The following NCOR2 variants were observed in gnomAD, a reference collection of about 807,000 sequenced individuals.
The protein encoded by NCOR2 is CTG repeat protein 26.
NCOR2 carries 81 observed loss-of-function variants against 262.9 expected under a neutral mutation model. The ratio of observed to expected loss-of-function variants is 0.31; its 90% CI spans 0.26 to 0.37. The LOEUF (loss-of-function observed/expected upper bound fraction) is 0.37. Among genes scored for constraint, NCOR2 ranks in the 10% least tolerant of loss-of-function variants. The pLI, the probability that NCOR2 is intolerant of heterozygous loss-of-function variation, is 1.00. For missense variants in NCOR2, 3,385 were observed against 3,621.4 expected (o/e 0.93, Z 1.68); for synonymous variants, 1,659 against 1,559.3 (o/e 1.06, Z -1.51).
At chr12:124,335,274 A>C in exon 40 of NCOR2, 1 of 1,599,112 alleles carries the variant, frequency 6.3e-7, no homozygotes, top group Non-Finnish European at 8.5e-7. Flanking sequence ...GCCAAGCTTC[A>C]CGGGGCCTGC....
chr12:124,503,695 G>GATGGATGGATGGAAGGACAGACGA lies in NCOR2; in HGVS notation c.-117-8328_-117-8327insTCGTCTGTCCTTCCATCCATCCAT. ...GAATGGATGGATGGATGGATGGATG[G>GATGGATGGATGGAAGGACAGACGA]ATGGATGGATGGATGGACAGACGAA... On this transcript the variant is annotated intron_variant, in intron 1 of 46. Transcript: ENST00000404621. The surrounding 1 kb of genome is among the most constrained non-coding windows in gnomAD (Gnocchi z 4.3). 6.6e-6 allele frequency among the ~76,000 whole-genome samples: 1 copy of GATGGATGGATGGAAGGACAGACGA among 151,462 alleles called. No homozygotes were observed. The highest frequency in any genetic ancestry group is 6.6e-5 in the Admixed American group (1 of 15,238).
intron 1 of NCOR2, among the ~76,000 whole-genome samples, chr12:124,501,052 GCGCACGCGCGCACACA>G (rs1397284253): frequency 3.7e-5 from 1 of 26,990 alleles, no homozygotes; most frequent in Non-Finnish European, 1.0e-4. Flanking sequence ...ACGAGCGCGC[GCGCACGCGCGCACACA>G]CACACACACA....
rs1409221472 is a variant in NCOR2 at position 124,440,481 on chromosome 12, CT to C, written c.816-2486del. 1.3e-5 allele frequency among the ~76,000 whole-genome samples: 2 copies of C among 152,218 alleles called. No individual in the cohort carries two copies. The highest frequency in any genetic ancestry group is 1.3e-4 in the Admixed American group (2 of 15,284). ...AGTCCCACAGGCTAGGACCAGCACCCTTCATCTCATAACAGGGTGTCTCTGA... is the reference window on the plus strand; with the variant it reads ...AGTCCCACAGGCTAGGACCAGCACCCTCATCTCATAACAGGGTGTCTCTGA... On this transcript the variant is annotated intron_variant, in intron 7 of 46. Coordinates refer to ENST00000405201, the Ensembl canonical transcript of NCOR2. This position sits in a 1 kb window ranked among gnomAD's most constrained non-coding sequence, Gnocchi z 5.7.
chr12:124,344,693 G>A (rs753660561), exon 32 of NCOR2: 2 of 1,529,148 alleles, frequency 1.3e-6, no homozygotes, highest in South Asian at 1.2e-5. Context: ...TAGGTCAGGG[G>A]GCTCTGCCGC....
Position 124,542,509 on chromosome 12 carries a change from C to A in NCOR2, c.-164-6898G>T, listed in dbSNP as rs979711442. 2 of 152,546 alleles carry A rather than the reference C, an allele frequency of 1.3e-5. 1 individual carries two copies. The highest frequency in any genetic ancestry group is 4.8e-5 in the African/African-American group (2 of 41,434). 9.4% of individuals were successfully genotyped at this position (152,546 alleles called of 1,614,324 possible). On this transcript the variant is annotated intron_variant, in intron 1 of 32. Transcript: ENST00000458234. Reference sequence around the variant, plus strand: ...TCTGCCCTGGGCACCGAGGCCAAGACCCTCAGCGCCCGTCCCAGGCCCTAG... The same window carrying A: ...TCTGCCCTGGGCACCGAGGCCAAGAACCTCAGCGCCCGTCCCAGGCCCTAG...
At chr12:124,540,796 G>A (rs1056307480) in intron 1 of NCOR2, among the ~76,000 whole-genome samples, 4 of 4,250 alleles carry the variant, frequency 9.4e-4, no homozygotes, top group Non-Finnish European at 2.1e-3. Flanking sequence ...GAGGTGGAGG[G>A]GTGGATATGG....
chr12:124,428,889 G>C (rs1315537557), intron 10 of NCOR2, among the ~76,000 whole-genome samples: 1 of 152,202 alleles, frequency 6.6e-6, no homozygotes, highest in Non-Finnish European at 1.5e-5. Context: ...GTGGTGTTAG[G>C]AGCAGGGGGT....
rs1420884645 is a variant in NCOR2 at position 124,454,359 on chromosome 12, C to G, written c.762+2747G>C. On this transcript the variant is annotated intron_variant, in intron 6 of 46. Transcript: ENST00000405201. The surrounding 1 kb of genome is among the most constrained non-coding windows in gnomAD (Gnocchi z 5.6). Reference sequence around the variant, plus strand: ...TCCTGTGCCATCAGCCTTGTGGAAGCCTCTGCTCTGAGATCCCCAAGTGGA... The same window carrying G: ...TCCTGTGCCATCAGCCTTGTGGAAGGCTCTGCTCTGAGATCCCCAAGTGGA... Among the ~76,000 whole-genome samples, 3 of 152,190 alleles carry G rather than the reference C, an allele frequency of 2.0e-5. No homozygotes were observed. Among genetic ancestry groups the G allele is most frequent in the African/African-American group, 7.2e-5 (3 of 41,440 alleles).
intron 16 of NCOR2, among the ~76,000 whole-genome samples, chr12:124,397,348 G>A (rs1045647075): frequency 1.3e-5 from 2 of 152,220 alleles, no homozygotes; most frequent in Admixed American, 6.5e-5. Flanking sequence ...CTCAACAGAC[G>A]GGCAAACCGA....
At chr12:124,402,651 G>T in intron 13 of NCOR2, 90 bp from the exon 16 acceptor site, 1 of 1,531,196 alleles carries the variant, frequency 6.5e-7, no homozygotes, top group Non-Finnish European at 8.7e-7. Context: ...AGCCTGAGCT[G>T]GGGGAGGAGG....
intron 12 of NCOR2, among the ~76,000 whole-genome samples, chr12:124,421,518 C>T (rs575182615): frequency 1.3e-5 from 2 of 152,334 alleles, no homozygotes; most frequent in East Asian, 3.9e-4. Context: ...CCACTCTGCT[C>T]GGTCTCTCTC....
intron 4 of NCOR2, among the ~76,000 whole-genome samples, chr12:124,470,548 TA>T (rs1185284361): frequency 1.3e-5 from 2 of 152,124 alleles, no homozygotes; most frequent in Non-Finnish European, 1.5e-5. Context: ...GACAACATGA[TA>T]AACTCCAAAA....
chr12:124,479,743 G>C (rs921233121), intron 3 of NCOR2, among the ~76,000 whole-genome samples: 1 of 152,250 alleles, frequency 6.6e-6, no homozygotes, highest in African/African-American at 2.4e-5. Flanking sequence ...AGTGCTAATG[G>C]GGGATGCCAG....
intron 10 of NCOR2, among the ~76,000 whole-genome samples, chr12:124,429,189 C>T: frequency 6.6e-6 from 1 of 152,274 alleles, no homozygotes; most frequent in Non-Finnish European, 1.5e-5. Flanking sequence ...TCCCCCCACC[C>T]TGCCAGGCTC....
intron 1 of NCOR2, among the ~76,000 whole-genome samples, chr12:124,524,722 C>A (rs554516689): frequency 2.8e-4 from 42 of 152,340 alleles, no homozygotes; most frequent in African/African-American, 9.6e-4. Context: ...AACTAATCAC[C>A]CCCAGGTCTC....
chr12:124,536,259 G>A (rs548466899), upstream of NCOR2, among the ~76,000 whole-genome samples: 2 of 152,020 alleles, frequency 1.3e-5, no homozygotes, highest in East Asian at 3.9e-4. Context: ...GTATTTTTTT[G>A]TAGAGACAGG....
rs56763810 is a variant in NCOR2 at position 124,325,314 on chromosome 12, G to A, written c.*88C>T. Reference sequence around the variant, plus strand: ...GACTCAGGGGCTCCTTCCTTGGTTGGGGGAGTCGGCAGCCGCCCTGCTCCT... The same window carrying A: ...GACTCAGGGGCTCCTTCCTTGGTTGAGGGAGTCGGCAGCCGCCCTGCTCCT... On this transcript the variant is annotated 3_prime_UTR_variant, in exon 47 of 47. Transcript: ENST00000405201. The A allele has an allele frequency of 1.2e-4, 112 of 897,346 alleles. No individual in the cohort carries two copies. The African/African-American group carries it at 1.9e-3, about 15-fold the overall frequency. 55.6% of individuals were successfully genotyped at this position (897,346 alleles called of 1,614,324 possible). A position where few individuals can be genotyped will look rare whatever the true frequency, so the allele number is the denominator to read the frequency against.
chr12:124,376,285 G>A (rs1181062977), intron 18 of NCOR2, among the ~76,000 whole-genome samples: 1 of 152,164 alleles, frequency 6.6e-6, no homozygotes, highest in Non-Finnish European at 1.5e-5. Flanking sequence ...ACGGGGCTAC[G>A]TAAGCTCTGC....
chr12:124,416,744 T>A (rs1275691655), intron 13 of NCOR2, among the ~76,000 whole-genome samples: 3 of 117,306 alleles, frequency 2.6e-5, no homozygotes, highest in Admixed American at 9.1e-5. Flanking sequence ...GCGGCACAGA[T>A]AGACCCCGCG....
Sources: allele counts gnomAD v4.1 joint callset (sites outside exome capture counted in the v4.1 genomes callset), GRCh38; gene constraint gnomAD v4.1.1; non-coding constraint Gnocchi (gnomAD v3.1); transcripts MANE v1.5; gene names NCBI Gene and HGNC (gene_info 2026-07-23, HGNC 2026-07-21).